The following CMIP variants were observed in gnomAD, a reference collection of about 807,000 sequenced individuals.
The protein encoded by CMIP is c-Maf inducing protein, also known as C-Maf-inducing protein.
A neutral mutation model predicts 97.3 loss-of-function variants in CMIP; 13 were observed. That is an observed-to-expected ratio of 0.13 (90% CI 0.09 to 0.21). CMIP has a LOEUF of 0.21. CMIP is among the 10% of genes least tolerant of loss of function. The probability of loss-of-function intolerance (pLI) is 1.00; values close to 1 mark genes in which losing one functional copy is unlikely to be tolerated. For synonymous variants in CMIP, 538 were observed against 436.3 expected (o/e 1.23, Z -2.91); for missense variants, 847 against 1,024.9 (o/e 0.83, Z 2.37).
At chr16:81,662,934 A>G (rs531435770) in intron 6 of CMIP, among the ~76,000 whole-genome samples, 1 of 152,302 alleles carries the variant, frequency 6.6e-6, no homozygotes, top group South Asian at 2.1e-4. Flanking sequence ...AAGGTCTTTC[A>G]GACCAAACAT....
chr16:81,684,451 G>C (rs1905183723), intron 10 of CMIP, among the ~76,000 whole-genome samples: 1 of 152,244 alleles, frequency 6.6e-6, no homozygotes, highest in Non-Finnish European at 1.5e-5. Flanking sequence ...GTGAGTCAGG[G>C]AAAGCAGCGA....
At position 81,453,017 on chromosome 16, in the gene CMIP, C is replaced by T. The variant is rs2150730797; in HGVS notation, c.300+7476C>T. Among the ~76,000 whole-genome samples the T allele has an allele frequency of 6.6e-6, 1 of 151,594 alleles. No homozygotes were observed. Among genetic ancestry groups the T allele is most frequent in the East Asian group, 1.9e-4 (1 of 5,148 alleles). On this transcript the variant is annotated intron_variant, in intron 1 of 20. Coordinates refer to ENST00000537098, the MANE Select transcript of CMIP (RefSeq NM_198390.3). The surrounding 1 kb of genome is among the most constrained non-coding windows in gnomAD (Gnocchi z 4.0). ...ACTTTGAAAACGCAACTCCCTTTGT[C>T]CATAACTACACTCTAAGGATCCTAG...
intron 20 of CMIP, 62 bp downstream of exon 20, chr16:81,707,146 G>A: frequency 7.2e-7 from 1 of 1,384,670 alleles, no homozygotes; most frequent in Non-Finnish European, 1.0e-6. Flanking sequence ...TCTGGATGCT[G>A]GTGCATCTCC....
intron 1 of CMIP, among the ~76,000 whole-genome samples, chr16:81,472,981 C>T (rs917957442): frequency 6.6e-6 from 1 of 152,226 alleles, no homozygotes; most frequent in African/African-American, 2.4e-5. Flanking sequence ...GCGAGGAGAG[C>T]CTGTTCGCCT....
At chr16:81,552,641 T>C (rs529201402) in intron 1 of CMIP, among the ~76,000 whole-genome samples, 1 of 152,308 alleles carries the variant, frequency 6.6e-6, no homozygotes, top group East Asian at 1.9e-4. Context: ...TGGGAGAATC[T>C]CCCATCTCAA....
chr16:81,503,633 G>A (rs2089652045), intron 1 of CMIP, among the ~76,000 whole-genome samples: 1 of 152,222 alleles, frequency 6.6e-6, no homozygotes, highest in African/African-American at 2.4e-5. Context: ...TTGAGCTCAA[G>A]CGATCCTCCT....
chr16:81,671,634 A>G (rs1461399045), intron 8 of CMIP, among the ~76,000 whole-genome samples: 3 of 152,230 alleles, frequency 2.0e-5, no homozygotes, highest in South Asian at 4.1e-4. Flanking sequence ...CTGTACCCCA[A>G]CTGAGGAGGG....
intron 3 of CMIP, 57 bp downstream of exon 3, chr16:81,620,983 A>G: frequency 6.2e-7 from 1 of 1,601,610 alleles, no homozygotes; most frequent in Middle Eastern, 1.7e-4. Context: ...GCGATGGCTT[A>G]AAGCCAATCT....
intron 1 of CMIP, among the ~76,000 whole-genome samples, chr16:81,541,808 A>AG (rs1408100177): frequency 6.6e-6 from 1 of 152,236 alleles, no homozygotes; most frequent in Non-Finnish European, 1.5e-5. Flanking sequence ...ATCAGGCATC[A>AG]GGCATGCGTT....
intron 1 of CMIP, among the ~76,000 whole-genome samples, chr16:81,528,710 A>G (rs901902213): frequency 1.3e-5 from 2 of 152,096 alleles, no homozygotes; most frequent in Non-Finnish European, 2.9e-5. Flanking sequence ...CTTCTTCCTC[A>G]TGTTGTTAAC....
At chr16:81,634,544 T>A (rs758215159) in intron 3 of CMIP, among the ~76,000 whole-genome samples, 5 of 152,176 alleles carry the variant, frequency 3.3e-5, no homozygotes. Flanking sequence ...GTGAACACCA[T>A]TGAACTCACT....
chr16:81,566,189 C>T (rs1027301781), intron 1 of CMIP, among the ~76,000 whole-genome samples: 39 of 152,144 alleles, frequency 2.6e-4, no homozygotes, highest in Admixed American at 1.9e-3. Context: ...GAGGGTGCGC[C>T]GGTGTGGCTG....
At chr16:81,495,620 C>T in intron 1 of CMIP, 1 of 969,318 alleles carries the variant, frequency 1.0e-6, no homozygotes. Context: ...GCAGGTGTGT[C>T]TGCTAATCTG....
At position 81,678,497 on chromosome 16, in the gene CMIP, C is replaced by T. The variant is rs1427130682; in HGVS notation, c.1257C>T (p.Ser419=). The stretch of plus-strand genomic sequence containing the variant: ...CTGCCAAGCCGGCGCTGACGGCCAG[C>T]GCAGGCAACGACAGCGAGCCCAACC... The part of the protein sequence containing the change: ...TSTAKPALTA[S]AGNDSEPNLI... The change falls in exon 10 of 21, where the codon AGC becomes AGT. Residue 419 remains serine, a synonymous_variant. Coordinates refer to ENST00000537098, the MANE Select transcript of CMIP (RefSeq NM_198390.3). The T allele has an allele frequency of 1.6e-5, 26 of 1,599,042 alleles. No homozygotes were observed. Among genetic ancestry groups the T allele is most frequent in the African/African-American group, 2.7e-5 (2 of 74,670 alleles).
chr16:81,621,268 A>C lies in CMIP; in HGVS notation c.477+342A>C, dbSNP rs1309497048. 1 of 209,656 alleles carries C rather than the reference A, an allele frequency of 4.8e-6. No homozygotes were observed. The highest frequency in any genetic ancestry group is 2.3e-5 in the African/African-American group (1 of 44,026). The allele number at this position is 209,656 out of a possible 1,614,324, so 13.0% of individuals were successfully genotyped here. A position where few individuals can be genotyped will look rare whatever the true frequency, so the allele number is the denominator to read the frequency against. ...TGGACTTCAGGGGCTCAAGATGCTTAGTTGAAAGTAACTTCCAAAGGCTGT... is the reference window on the plus strand; with the variant it reads ...TGGACTTCAGGGGCTCAAGATGCTTCGTTGAAAGTAACTTCCAAAGGCTGT... On this transcript the variant is annotated intron_variant, in intron 3 of 20. Transcript: ENST00000537098. The surrounding 1 kb of genome is among the most constrained non-coding windows in gnomAD (Gnocchi z 4.1).
At chr16:81,471,503 TAC>T (rs1907550853) in intron 1 of CMIP, among the ~76,000 whole-genome samples, 1 of 152,168 alleles carries the variant, frequency 6.6e-6, no homozygotes, top group Admixed American at 6.5e-5. Flanking sequence ...GGCATACATA[TAC>T]ACATGTGCAG....
intron 1 of CMIP, among the ~76,000 whole-genome samples, chr16:81,536,245 G>A (rs939491089): frequency 6.6e-6 from 1 of 152,162 alleles, no homozygotes; most frequent in Admixed American, 6.5e-5. Flanking sequence ...GGAACTTGTT[G>A]TGAGGATGAC....
At chr16:81,624,488 CA>C (rs371369093) in intron 3 of CMIP, among the ~76,000 whole-genome samples, 8,187 of 92,620 alleles carry the variant, frequency 0.088, 396 homozygotes, top group African/African-American at 0.18. Context: ...GACTCCGTCT[CA>C]AAAAAAAAAA....
intron 1 of CMIP, among the ~76,000 whole-genome samples, chr16:81,471,221 T>C (rs1907518426): frequency 1.3e-5 from 2 of 152,206 alleles, no homozygotes; most frequent in Non-Finnish European, 2.9e-5. Context: ...CACATACATG[T>C]ACACATACAT....
Sources: gnomAD v4.1 joint callset for allele counts (sites outside exome capture counted in the v4.1 genomes callset) on GRCh38, gnomAD v4.1.1 for gene constraint, Gnocchi (gnomAD v3.1) non-coding constraint, MANE v1.5 for transcripts, NCBI Gene and HGNC (gene_info 2026-07-23, HGNC 2026-07-21) for gene names.